Variants in MYO5B observed in about 807,000 individuals in gnomAD.
MYO5B encodes the protein myosin VB, also known as unconventional myosin-Vb.
MYO5B carries 143 observed loss-of-function variants against 229.3 expected under a neutral mutation model. That is an observed-to-expected ratio of 0.62 (90% CI 0.54 to 0.72). The LOEUF is 0.72. Ranked by LOEUF, MYO5B falls within the 30% of genes least tolerant of loss-of-function variation. The pLI, the probability that MYO5B is intolerant of heterozygous loss-of-function variation, is 0.00. For missense variants in MYO5B, 2,321 were observed against 2,331.0 expected (o/e 1.00, Z 0.09); for synonymous variants, 918 against 885.2 (o/e 1.04, Z -0.66).
At chr18:49,929,476 C>T in intron 17 of MYO5B, 36 bp downstream of exon 17, 2 of 1,559,776 alleles carry the variant, frequency 1.3e-6, no homozygotes, top group Non-Finnish European at 8.7e-7. Flanking sequence ...TGCTCTAGGG[C>T]AGCCCCAGGA....
intron 10 of MYO5B, among the ~76,000 whole-genome samples, chr18:49,973,724 G>A (rs2025714945): frequency 6.6e-6 from 1 of 152,140 alleles, no homozygotes; most frequent in Non-Finnish European, 1.5e-5. Flanking sequence ...TCAGCTGGTT[G>A]GTGACAGTCT....
chr18:49,936,191 C>T, intron 16 of MYO5B, 61 bp downstream of exon 16: 1 of 1,443,164 alleles, frequency 6.9e-7, no homozygotes, highest in Non-Finnish European at 9.5e-7. Context: ...GCCTGGGCCA[C>T]CCTGTTCCAC....
chr18:50,194,567 C>A (rs1379277053), intron 1 of MYO5B, among the ~76,000 whole-genome samples, 200 bp downstream of exon 1: 1 of 152,202 alleles, frequency 6.6e-6, no homozygotes, highest in Non-Finnish European at 1.5e-5. Context: ...CCGGTCAGTG[C>A]GGGCGTTCCC....
chr18:49,959,338 A>G (rs901304091), intron 12 of MYO5B, among the ~76,000 whole-genome samples: 1 of 152,214 alleles, frequency 6.6e-6, no homozygotes, highest in Non-Finnish European at 1.5e-5. Context: ...GAATGAATAC[A>G]TAAATGTGGC....
At chr18:49,881,087 AG>A (rs2024580985) in intron 22 of MYO5B, among the ~76,000 whole-genome samples, 1 of 152,248 alleles carries the variant, frequency 6.6e-6, no homozygotes, top group South Asian at 2.1e-4. Context: ...GGAAGCAAGG[AG>A]CCCCCAACCC....
intron 18 of MYO5B, among the ~76,000 whole-genome samples, chr18:49,909,021 C>CT (rs2144155364): frequency 6.6e-6 from 1 of 152,316 alleles, no homozygotes; most frequent in African/African-American, 2.4e-5. Flanking sequence ...GGAAGGTGGT[C>CT]TTTAAGTGCC....
intron 4 of MYO5B, among the ~76,000 whole-genome samples, chr18:50,033,472 A>T (rs1399415935): frequency 6.6e-6 from 1 of 152,048 alleles, no homozygotes. Context: ...TTTCTCTCCC[A>T]CCAGACAGTG....
chr18:50,191,800 G>A (rs553487014), intron 1 of MYO5B, among the ~76,000 whole-genome samples: 18 of 152,262 alleles, frequency 1.2e-4, no homozygotes, highest in African/African-American at 4.1e-4. Flanking sequence ...AAGTATGAAT[G>A]GGATCTAGAA....
At chr18:49,933,644 G>A (rs943713205) in intron 16 of MYO5B, among the ~76,000 whole-genome samples, 8 of 152,176 alleles carry the variant, frequency 5.3e-5, no homozygotes, top group African/African-American at 1.9e-4. Context: ...CTAGTGGGTA[G>A]AGGCCAAGGA....
chr18:49,822,881 A>AT lies in MYO5B; in HGVS notation c.*3589dup, dbSNP rs1404759288. ...AAATATTACAGTGACTATTACAAGC[A>AT]TTTTTCTATAAACAAAGGTGTAGTT... On this transcript the variant is annotated 3_prime_UTR_variant, in exon 40 of 40. Coordinates refer to ENST00000285039, the MANE Select transcript of MYO5B (RefSeq NM_001080467.3). 1.3e-5 allele frequency: 2 copies of AT among 152,216 alleles called. No homozygotes were observed. Among genetic ancestry groups the AT allele is most frequent in the East Asian group, 3.8e-4 (2 of 5,202 alleles). 9.4% of individuals were successfully genotyped at this position (152,216 alleles called of 1,614,324 possible).
Position 49,878,937 on chromosome 18 carries a change from C to T in MYO5B, c.3276+8G>A, listed in dbSNP as rs199813290. ...TGTGCCATGGCACAGCAGAAGCACC[C>T]CCCTTGCCTTTATGATGGTCATTTC... On this transcript the variant is annotated splice_region_variant and intron_variant, in intron 24 of 39. Transcript: ENST00000285039. The T allele has an allele frequency of 7.3e-5, 118 of 1,613,994 alleles. No individual in the cohort carries two copies. Among genetic ancestry groups the T allele is most frequent in the Non-Finnish European group, 9.7e-5 (115 of 1,180,032 alleles).
chr18:50,164,088 T>C lies in MYO5B; in HGVS notation c.27+30679A>G, dbSNP rs545920623. 5.9e-5 allele frequency among the ~76,000 whole-genome samples: 9 copies of C among 152,344 alleles called. No homozygotes were observed. The South Asian group carries it at 8.3e-4, about 14-fold the overall frequency. ...CTGCATAACATAAGGTGGTTTTTAG[T>C]GCTGGTTTTAGACAAGGTAGCTATC... On this transcript the variant is annotated intron_variant, in intron 1 of 39. Transcript: ENST00000285039.
At chr18:49,997,866 G>A (rs1015573713) in intron 5 of MYO5B, among the ~76,000 whole-genome samples, 1 of 152,146 alleles carries the variant, frequency 6.6e-6, no homozygotes, top group African/African-American at 2.4e-5. Flanking sequence ...ACAACGCCGT[G>A]ACCATAACCG....
At chr18:49,950,553 TG>T in intron 14 of MYO5B, among the ~76,000 whole-genome samples, 1 of 152,266 alleles carries the variant, frequency 6.6e-6, no homozygotes, top group Non-Finnish European at 1.5e-5. Context: ...GAAATAGATG[TG>T]TACTCGTGTG....
chr18:49,995,950 G>A (rs891878833), intron 5 of MYO5B, among the ~76,000 whole-genome samples: 1 of 152,150 alleles, frequency 6.6e-6, no homozygotes, highest in Admixed American at 6.5e-5. Context: ...AAATAAAGTG[G>A]ACAAAGGCAC....
intron 7 of MYO5B, 79 bp from the exon 8 acceptor site, chr18:49,984,904 T>G: frequency 2.0e-6 from 2 of 1,012,534 alleles, no homozygotes; most frequent in Non-Finnish European, 3.1e-6. Context: ...AAAATTCTAC[T>G]CCGTTAGCAT....
chr18:49,898,914 T>C (rs146390385), intron 21 of MYO5B, among the ~76,000 whole-genome samples: 2,124 of 152,294 alleles, frequency 0.014, 167 homozygotes, highest in Admixed American at 0.12. Context: ...CCCCAGGGGA[T>C]TCTAGAGCAC....
intron 1 of MYO5B, among the ~76,000 whole-genome samples, chr18:50,102,827 C>A (rs2031681177): frequency 6.6e-6 from 1 of 152,136 alleles, no homozygotes; most frequent in Admixed American, 6.6e-5. Context: ...CCTGTACCAG[C>A]CCAAAGTTTC....
intron 1 of MYO5B, among the ~76,000 whole-genome samples, chr18:50,077,502 AACACACACACACACACACACAC>A (rs60086500): frequency 0.014 from 1,929 of 133,606 alleles, 36 homozygotes; most frequent in African/African-American, 0.049. Context: ...CACACACACA[AACACACACACACACACACACAC>A]ACACACACAC....
Sources: gnomAD v4.1 joint callset for allele counts (sites outside exome capture counted in the v4.1 genomes callset) on GRCh38, gnomAD v4.1.1 for gene constraint, MANE v1.5 for transcripts, NCBI Gene and HGNC (gene_info 2026-07-23, HGNC 2026-07-21) for gene names.